Variants in PELI2 observed in about 807,000 individuals in gnomAD.
The protein encoded by PELI2 is E3 ubiquitin-protein ligase pellino homolog 2.
Under a neutral mutation model 42.3 loss-of-function variants are expected in PELI2, and 23 were observed. The observed-to-expected ratio is 0.54, with a 90% CI of 0.39 to 0.77. The LOEUF (loss-of-function observed/expected upper bound fraction) is 0.77. Ranked by LOEUF, PELI2 falls within the 30% of genes least tolerant of loss-of-function variation. The pLI is 0.00. For synonymous variants in PELI2, 245 were observed against 212.2 expected (o/e 1.15, Z -1.34); for missense variants, 463 against 553.2 (o/e 0.84, Z 1.64).
chr14:56,234,301 C>T (rs1026565983), intron 2 of PELI2, among the ~76,000 whole-genome samples: 19 of 152,154 alleles, frequency 1.2e-4, no homozygotes, highest in South Asian at 2.1e-4. Flanking sequence ...CACATACACA[C>T]GTATGTTTAT....
intron 2 of PELI2, among the ~76,000 whole-genome samples, chr14:56,191,406 A>G (rs1341610724): frequency 6.6e-6 from 1 of 152,232 alleles, no homozygotes; most frequent in Non-Finnish European, 1.5e-5. Context: ...CTCGAGTAGA[A>G]TCCTCAGGTG....
Position 56,296,742 on chromosome 14 carries a change from C to T in PELI2, c.839C>T (p.Ala280Val), listed in dbSNP as rs946705132. ...GCCCTCCGGCAGGAGATTAACGCCG[C>T]CCGGCCTCAGTGTCCTGTGGGGCTC... ...IEALRQEINA[A>V]RPQCPVGLNT... Residue 280 changes from alanine to valine, a missense_variant, in exon 6 of 6, where the codon GCC (alanine) becomes GTC (valine). Around this residue, in one of 3 missense-constraint regions of PELI2, gnomAD observed 343 missense variants for 378.4 expected, o/e 0.91. Transcript: ENST00000267460. The T allele has an allele frequency of 1.9e-6, 3 of 1,614,026 alleles. No homozygotes were observed. Among genetic ancestry groups the T allele is most frequent in the Non-Finnish European group, 2.5e-6 (3 of 1,180,036 alleles).
At chr14:56,144,170 A>T (rs547844793) in intron 1 of PELI2, among the ~76,000 whole-genome samples, 1 of 152,334 alleles carries the variant, frequency 6.6e-6, no homozygotes, top group Admixed American at 6.5e-5. Flanking sequence ...GACAGTGAGA[A>T]ACTTGGTTCT....
intron 2 of PELI2, among the ~76,000 whole-genome samples, chr14:56,256,226 G>A (rs982605991): frequency 2.6e-5 from 4 of 151,934 alleles, no homozygotes; most frequent in Non-Finnish European, 1.5e-5. Flanking sequence ...CCAAGAGTTC[G>A]AGACCAGCCT....
chr14:56,269,696 C>T lies in PELI2; in HGVS notation c.208-9980C>T, dbSNP rs542966601. Among the ~76,000 whole-genome samples, 53 of 152,234 alleles carry T rather than the reference C, an allele frequency of 3.5e-4. No individual in the cohort carries two copies. In the South Asian group the frequency reaches 9.3e-3, roughly 27 times the overall value. On this transcript the variant is annotated intron_variant, in intron 2 of 5. Transcript: ENST00000267460. ...CTTGCCCAGAGTCCTACAGCCAGCC[C>T]GTGTTGGATTGGAGATTCAGCCCAA...
At position 56,298,155 on chromosome 14, in the gene PELI2, T is replaced by C. The variant is rs1437355410; in HGVS notation, c.*989T>C. 1 of 152,504 alleles carries C rather than the reference T, an allele frequency of 6.6e-6. No individual in the cohort carries two copies. The highest frequency in any genetic ancestry group is 1.5e-5 in the Non-Finnish European group (1 of 68,008). The allele number at this position is 152,504 out of a possible 1,614,324, so 9.4% of individuals were successfully genotyped here. ...CCAACCAATCACAATGATATAGTCA[T>C]TGTTGTGCACTCCCTTTTCACCATC... is the stretch of plus-strand genomic sequence containing the variant. On this transcript the variant is annotated 3_prime_UTR_variant, in exon 6 of 6. Transcript: ENST00000267460.
Position 56,118,463 on chromosome 14 carries a change from G to T in PELI2, c.-198G>T. 6.1e-6 allele frequency: 2 copies of T among 325,636 alleles called. No homozygotes were observed. Among genetic ancestry groups the T allele is most frequent in the Admixed American group, 1.0e-4 (2 of 20,010 alleles). 20.2% of individuals were successfully genotyped at this position (325,636 alleles called of 1,614,324 possible). ...GCGGCCGCGGCGCGCGGAGCTCCGG[G>T]GAGTCAGGCGGAGCAGCCGCGCAGC... On this transcript the variant is annotated 5_prime_UTR_variant, in exon 1 of 6. Transcript: ENST00000267460.
Position 56,204,501 on chromosome 14 carries a change from A to C in PELI2, c.207+26037A>C, listed in dbSNP as rs4901652. Among the ~76,000 whole-genome samples, 338 of 152,020 alleles carry C rather than the reference A, an allele frequency of 2.2e-3. 1 individual carries two copies. Among genetic ancestry groups the C allele is most frequent in the Middle Eastern group, 0.017 (5 of 294 alleles). On this transcript the variant is annotated intron_variant, in intron 2 of 5. Transcript: ENST00000267460. Reference sequence around the variant, plus strand: ...GTCTTTTTCTTGGAGGGAGTAGAACAGGGGAGAAGATGACTGCGGTTTGCG... The same window carrying C: ...GTCTTTTTCTTGGAGGGAGTAGAACCGGGGAGAAGATGACTGCGGTTTGCG...
chr14:56,157,430 G>A (rs1284429497), intron 1 of PELI2, among the ~76,000 whole-genome samples: 2 of 152,130 alleles, frequency 1.3e-5, no homozygotes, highest in Non-Finnish European at 2.9e-5. Context: ...GTCTTATGAA[G>A]GGGATGAATC....
At position 56,296,931 on chromosome 14, in the gene PELI2, C is replaced by G. The variant is rs1890029580; in HGVS notation, c.1028C>G (p.Pro343Arg). The G allele has an allele frequency of 6.2e-7, 1 of 1,613,972 alleles. No individual in the cohort carries two copies. The highest frequency in any genetic ancestry group is 1.7e-5 in the Admixed American group (1 of 59,996). ...RECPMCRTVG[P>R]YVPLWLGCEA... ...TGTCCCATGTGCAGGACTGTGGGCC[C>G]CTATGTGCCTCTCTGGCTTGGCTGT... is the stretch of plus-strand genomic sequence containing the variant. The change falls in exon 6 of 6, where the codon CCC becomes CGC. Residue 343 changes from proline (P) to arginine (R), a missense_variant. Physicochemically the swap from Pro to Arg is moderately radical, Grantham distance 103 (BLOSUM62 -2). This residue lies in a region of PELI2 where 103 missense variants were observed against 129.6 expected (regional missense o/e 0.80). Coordinates refer to ENST00000267460, the MANE Select transcript of PELI2 (RefSeq NM_021255.3).
At chr14:56,249,167 A>G (rs554251280) in intron 2 of PELI2, among the ~76,000 whole-genome samples, 2 of 152,314 alleles carry the variant, frequency 1.3e-5, no homozygotes, top group East Asian at 3.9e-4. Flanking sequence ...ACATTCACAT[A>G]TGAGAATTCT....
At chr14:56,178,995 A>G (rs1594613987) in intron 2 of PELI2, among the ~76,000 whole-genome samples, 1 of 152,192 alleles carries the variant, frequency 6.6e-6, no homozygotes, top group East Asian at 1.9e-4. Flanking sequence ...AAGGATGAAA[A>G]GTATACACGA....
intron 4 of PELI2, among the ~76,000 whole-genome samples, chr14:56,289,360 T>G (rs12886598): frequency 6.6e-6 from 1 of 152,076 alleles, no homozygotes; most frequent in African/African-American, 2.4e-5. Flanking sequence ...GGTCTTCTTG[T>G]GGGTGAGAGC....
intron 2 of PELI2, among the ~76,000 whole-genome samples, chr14:56,231,028 A>G (rs1887544851): frequency 6.6e-6 from 1 of 152,224 alleles, no homozygotes; most frequent in Non-Finnish European, 1.5e-5. Context: ...CATAATGGTA[A>G]AGGGATCAAT....
chr14:56,278,853 T>C (rs1003885628), intron 2 of PELI2, among the ~76,000 whole-genome samples: 4 of 152,164 alleles, frequency 2.6e-5, no homozygotes, highest in Non-Finnish European at 4.4e-5. Flanking sequence ...AAAATGAAGA[T>C]AAGTTAGATT....
intron 1 of PELI2, among the ~76,000 whole-genome samples, chr14:56,121,231 T>C (rs1001849012): frequency 3.3e-5 from 5 of 150,872 alleles, no homozygotes; most frequent in African/African-American, 1.2e-4. Context: ...GCTTGTCAAA[T>C]TCAGTGCTTT....
chr14:56,261,559 A>T (rs905694646), intron 2 of PELI2, among the ~76,000 whole-genome samples: 3 of 152,164 alleles, frequency 2.0e-5, no homozygotes, highest in African/African-American at 7.2e-5. Flanking sequence ...CCAAACTTGG[A>T]AATTCTTTTG....
At chr14:56,229,934 C>G (rs184495415) in intron 2 of PELI2, among the ~76,000 whole-genome samples, 1 of 152,222 alleles carries the variant, frequency 6.6e-6, no homozygotes, top group East Asian at 1.9e-4. Context: ...AACCATGGCA[C>G]GAGAACTGCG....
chr14:56,201,885 A>G (rs1168032350), intron 2 of PELI2, among the ~76,000 whole-genome samples: 2 of 152,246 alleles, frequency 1.3e-5, no homozygotes, highest in South Asian at 2.1e-4. Context: ...TTACAATAAT[A>G]TTAATAATAA....
Sources: allele counts gnomAD v4.1 joint callset (sites outside exome capture counted in the v4.1 genomes callset), GRCh38; gene constraint gnomAD v4.1.1; regional missense constraint gnomAD v4.1.1; transcripts MANE v1.5; gene names NCBI Gene and HGNC (gene_info 2026-07-23, HGNC 2026-07-21).